RALYL: variants seen among roughly 807,000 people sequenced by gnomAD.
RALYL encodes RALY RNA binding protein like, also known as RNA-binding Raly-like protein.
RALYL carries 29 observed loss-of-function variants against 35.1 expected under a neutral mutation model. The observed-to-expected ratio is 0.83, with a 90% confidence interval of 0.61 to 1.13. The LOEUF (loss-of-function observed/expected upper bound fraction) is 1.13. RALYL is among the 50% of genes most tolerant of loss of function. RALYL has a pLI of 0.00. For synonymous variants in RALYL, 120 were observed against 127.6 expected (o/e 0.94, Z 0.40); for missense variants, 359 against 360.4 (o/e 1.00, Z 0.03).
chr8:84,543,764 C>T (rs1313014975), intron 2 of RALYL, among the ~76,000 whole-genome samples: 1 of 151,968 alleles, frequency 6.6e-6, no homozygotes, highest in African/African-American at 2.4e-5. Context: ...CAAAATGTTT[C>T]TGAGTCATAA....
chr8:84,203,912 A>G (rs113972302), intron 1 of RALYL, among the ~76,000 whole-genome samples: 3 of 152,248 alleles, frequency 2.0e-5, no homozygotes, highest in Admixed American at 6.5e-5. Flanking sequence ...TCCAGAGAGT[A>G]TCTCACTATG....
At chr8:84,322,076 C>T (rs915352932) in intron 1 of RALYL, among the ~76,000 whole-genome samples, 10 of 151,966 alleles carry the variant, frequency 6.6e-5, no homozygotes, top group South Asian at 2.1e-4. Context: ...TATTATAATT[C>T]GAGTCTTTAA....
intron 2 of RALYL, among the ~76,000 whole-genome samples, chr8:84,635,336 A>T (rs962365736): frequency 3.0e-5 from 4 of 134,380 alleles, no homozygotes; most frequent in Non-Finnish European, 7.0e-5. Context: ...ATATCTTTTA[A>T]GTACTGTCTT....
chr8:84,635,588 CA>C (rs200652713), intron 2 of RALYL, among the ~76,000 whole-genome samples: 38 of 149,936 alleles, frequency 2.5e-4, no homozygotes, highest in South Asian at 1.1e-3. Context: ...GAGAGATTTA[CA>C]AAAAAAAATC....
chr8:84,214,368 CTG>C (rs1180407447), intron 1 of RALYL, among the ~76,000 whole-genome samples: 1 of 151,966 alleles, frequency 6.6e-6, no homozygotes. Context: ...TGGAATGAGT[CTG>C]TGATTTATCA....
chr8:84,216,305 G>A (rs748980755), intron 1 of RALYL, among the ~76,000 whole-genome samples: 1 of 152,038 alleles, frequency 6.6e-6, no homozygotes, highest in Non-Finnish European at 1.5e-5. Context: ...ACCACCATAA[G>A]CCTATGTAGC....
At chr8:84,675,047 G>A (rs1272736559) in intron 2 of RALYL, among the ~76,000 whole-genome samples, 1 of 151,220 alleles carries the variant, frequency 6.6e-6, no homozygotes, top group Non-Finnish European at 1.5e-5. Flanking sequence ...TCTTAAAAAT[G>A]TAATTATGTT....
rs143478089 is a variant in RALYL at position 84,753,709 on chromosome 8, A to G, written c.257-20870A>G. On this transcript the variant is annotated intron_variant, in intron 2 of 8. Coordinates refer to ENST00000521268, the MANE Select transcript of RALYL (RefSeq NM_173848.7). ...CAGCCAGGTGAAGTGCTGGCTCCCC[A>G]TTTGCCTTCTGCCATGATTGAAAGT... 7.6e-3 allele frequency among the ~76,000 whole-genome samples: 1,156 copies of G among 152,132 alleles called. 18 individuals are homozygous for G. Among genetic ancestry groups the G allele is most frequent in the African/African-American group, 0.025 (1,052 of 41,502 alleles).
At chr8:84,549,259 A>T (rs1229136644) in intron 2 of RALYL, among the ~76,000 whole-genome samples, 1 of 152,216 alleles carries the variant, frequency 6.6e-6, no homozygotes, top group Non-Finnish European at 1.5e-5. Context: ...AGCCGAAATG[A>T]AGATAACAGT....
At chr8:84,817,679 C>T (rs963534686) in intron 4 of RALYL, among the ~76,000 whole-genome samples, 7 of 151,940 alleles carry the variant, frequency 4.6e-5, no homozygotes, top group Non-Finnish European at 1.0e-4. Context: ...CTCAGCTTCC[C>T]AAGTAGCTGG....
At chr8:84,652,829 C>G (rs1307638871) in intron 2 of RALYL, among the ~76,000 whole-genome samples, 2 of 152,020 alleles carry the variant, frequency 1.3e-5, no homozygotes, top group Non-Finnish European at 2.9e-5. Flanking sequence ...CATTTGTCCT[C>G]TTCTGAAATG....
intron 1 of RALYL, among the ~76,000 whole-genome samples, chr8:84,453,986 C>T (rs1485392771): frequency 1.3e-5 from 2 of 152,002 alleles, no homozygotes; most frequent in African/African-American, 4.8e-5. Context: ...CAGATTTTAT[C>T]ATTAAGGTAT....
At chr8:84,579,276 C>T (rs139834686) in intron 2 of RALYL, among the ~76,000 whole-genome samples, 2,594 of 152,294 alleles carry the variant, frequency 0.017, 89 homozygotes, top group African/African-American at 0.059. Context: ...TTGCTCCGCC[C>T]ACTCCCGGGC....
chr8:84,505,661 G>A (rs1254214983), intron 1 of RALYL, among the ~76,000 whole-genome samples: 1 of 151,660 alleles, frequency 6.6e-6, no homozygotes, highest in Non-Finnish European at 1.5e-5. Flanking sequence ...CCATCACCCA[G>A]GTAGGGAGCA....
chr8:84,901,814 G>T (rs1194634856), intron 8 of RALYL, among the ~76,000 whole-genome samples: 1 of 152,140 alleles, frequency 6.6e-6, no homozygotes, highest in East Asian at 1.9e-4. Flanking sequence ...TAAGCATTTT[G>T]TTCTCATTGA....
At chr8:84,641,346 ATT>A (rs1031900806) in intron 2 of RALYL, among the ~76,000 whole-genome samples, 1 of 151,710 alleles carries the variant, frequency 6.6e-6, no homozygotes, top group Non-Finnish European at 1.5e-5. Context: ...TTTAGTAAAA[ATT>A]TAGGGGGTAA....
intron 2 of RALYL, among the ~76,000 whole-genome samples, chr8:84,697,117 CTAT>C (rs1345697986): frequency 2.6e-5 from 4 of 151,660 alleles, no homozygotes; most frequent in Non-Finnish European, 5.9e-5. Flanking sequence ...GAAATGAATT[CTAT>C]TAATATATAA....
At chr8:84,738,446 G>A (rs1303914996) in intron 2 of RALYL, among the ~76,000 whole-genome samples, 3 of 152,038 alleles carry the variant, frequency 2.0e-5, no homozygotes, top group Non-Finnish European at 4.4e-5. Flanking sequence ...TGCTAGTGGA[G>A]AATGGGTATA....
At chr8:84,808,562 G>A (rs1244442612) in intron 4 of RALYL, among the ~76,000 whole-genome samples, 2 of 152,044 alleles carry the variant, frequency 1.3e-5, no homozygotes, top group Admixed American at 1.3e-4. Context: ...TATTTTGATT[G>A]GGATTGCATT....
Sources: gnomAD v4.1 joint callset for allele counts (sites outside exome capture counted in the v4.1 genomes callset) on GRCh38, gnomAD v4.1.1 for gene constraint, MANE v1.5 for transcripts, NCBI Gene and HGNC (gene_info 2026-07-23, HGNC 2026-07-21) for gene names.